The following CACNA1A variants were observed in gnomAD, a reference collection of about 807,000 sequenced individuals.
The protein encoded by CACNA1A is voltage-dependent P/Q-type calcium channel subunit alpha-1A.
Under a neutral mutation model 262.4 loss-of-function variants are expected in CACNA1A, and 57 were observed. The observed-to-expected ratio is 0.22, with a 90% CI of 0.18 to 0.27. CACNA1A has a LOEUF of 0.27. CACNA1A is among the 10% of genes least tolerant of loss of function. The pLI, the probability that CACNA1A is intolerant of heterozygous loss-of-function variation, is 1.00. For synonymous variants in CACNA1A, 1,431 were observed against 1,419.3 expected, an observed-to-expected ratio of 1.01 and a Z score of -0.18; for missense variants, 2,526 against 3,562.8, an observed-to-expected ratio of 0.71 and a Z score of 7.41.
intron 1 of CACNA1A, among the ~76,000 whole-genome samples, chr19:13,492,871 C>T (rs1296762092): frequency 6.6e-6 from 1 of 152,160 alleles, no homozygotes; most frequent in African/African-American, 2.4e-5. Flanking sequence ...CCTTCCCATT[C>T]CCCTCCATCT....
intron 35 of CACNA1A, among the ~76,000 whole-genome samples, chr19:13,230,926 C>T (rs796421978): frequency 6.6e-6 from 1 of 152,058 alleles, no homozygotes; most frequent in African/African-American, 2.4e-5. Flanking sequence ...CCACTGTGAC[C>T]CCAAATCCTC....
chr19:13,245,466 C>T, intron 30 of CACNA1A: 1 of 579,456 alleles, frequency 1.7e-6, no homozygotes, highest in Non-Finnish European at 3.1e-6. Context: ...TGGGGGCCTT[C>T]CCATGATTGG....
chr19:13,248,715 C>T (rs930086835), intron 30 of CACNA1A, among the ~76,000 whole-genome samples: 5 of 151,824 alleles, frequency 3.3e-5, no homozygotes, highest in African/African-American at 1.2e-4. Context: ...TGATGGTGGG[C>T]GCCTGTAATC....
chr19:13,361,274 G>A (rs1214979418), intron 5 of CACNA1A, among the ~76,000 whole-genome samples: 2 of 152,138 alleles, frequency 1.3e-5, no homozygotes, highest in Non-Finnish European at 1.5e-5. Context: ...CGTGCCAACA[G>A]ACACCCCTTT....
At chr19:13,370,046 T>G (rs1048120480) in intron 4 of CACNA1A, among the ~76,000 whole-genome samples, 3 of 151,976 alleles carry the variant, frequency 2.0e-5, no homozygotes, top group African/African-American at 7.2e-5. Context: ...TAAAGGACTT[T>G]AAAAAAATGG....
intron 6 of CACNA1A, among the ~76,000 whole-genome samples, chr19:13,351,533 T>C (rs1029275405): frequency 6.6e-6 from 1 of 151,478 alleles, no homozygotes; most frequent in East Asian, 2.0e-4. Context: ...TTTTGAGATG[T>C]AGTTTTGCTC....
intron 3 of CACNA1A, among the ~76,000 whole-genome samples, chr19:13,386,642 A>G (rs1241639716): frequency 6.6e-6 from 1 of 151,806 alleles, no homozygotes; most frequent in Non-Finnish European, 1.5e-5. Flanking sequence ...AAATACAAAA[A>G]ATTAGCCGGA....
intron 6 of CACNA1A, among the ~76,000 whole-genome samples, chr19:13,337,984 C>A (rs924968820): frequency 1.3e-5 from 2 of 152,222 alleles, no homozygotes; most frequent in African/African-American, 2.4e-5. Context: ...CTTTGGGAGG[C>A]CGAGGCGGGC....
intron 30 of CACNA1A, among the ~76,000 whole-genome samples, chr19:13,249,060 C>G (rs1217103722): frequency 6.6e-6 from 1 of 152,136 alleles, no homozygotes. Flanking sequence ...CCTTGAACTC[C>G]TGAGCTCAAG....
At chr19:13,459,042 T>C (rs1185150075) in intron 1 of CACNA1A, among the ~76,000 whole-genome samples, 2 of 152,140 alleles carry the variant, frequency 1.3e-5, no homozygotes, top group African/African-American at 4.8e-5. Context: ...TAGATGCCAG[T>C]AGCAGCCCCT....
Position 13,419,609 on chromosome 19 carries a change from C to T in CACNA1A, c.539+33267G>A, listed in dbSNP as rs574426711. On this transcript the variant is annotated intron_variant, in intron 3 of 46. Transcript: ENST00000360228. ...GGAGGATCGCTTGAACCCAGGTGGT[C>T]GAGGCTGCAGTGAGCTGTTATCAGG... Among the ~76,000 whole-genome samples, 8 of 152,120 alleles carry T rather than the reference C, an allele frequency of 5.3e-5. No individual in the cohort carries two copies. The South Asian group carries it at 1.7e-3, about 32-fold the overall frequency.
chr19:13,495,794 A>T (rs1480133880), intron 1 of CACNA1A, among the ~76,000 whole-genome samples: 2 of 151,666 alleles, frequency 1.3e-5, no homozygotes, highest in African/African-American at 2.4e-5. Context: ...CCACCCATCC[A>T]GTCATCCATA....
At chr19:13,223,935 G>A (rs896100437) in intron 38 of CACNA1A, among the ~76,000 whole-genome samples, 4 of 152,122 alleles carry the variant, frequency 2.6e-5, no homozygotes, top group Non-Finnish European at 5.9e-5. Flanking sequence ...GGAGACCAAG[G>A]TGGGAGGACT....
At position 13,300,500 on chromosome 19, in the gene CACNA1A, T is replaced by C. The variant is rs1306946932; in HGVS notation, c.2279+50A>G. ...CTTCCCAAATCTGTGCCTGGGATAGTGTGGACGTTCAGGAGCCAGGGTAGC... is the reference window on the plus strand; with the variant it reads ...CTTCCCAAATCTGTGCCTGGGATAGCGTGGACGTTCAGGAGCCAGGGTAGC... On this transcript the variant is annotated intron_variant, in intron 18 of 46. Coordinates refer to ENST00000360228, the MANE Select transcript of CACNA1A (RefSeq NM_001127222.2). The C allele has an allele frequency of 2.3e-6, 3 of 1,283,396 alleles. No homozygotes were observed. In the Admixed American group the frequency reaches 5.0e-5, roughly 22 times the overall value. The allele number at this position is 1,283,396 out of a possible 1,614,324, so 79.5% of individuals were successfully genotyped here. A position where few individuals can be genotyped will look rare whatever the true frequency, so the allele number is the denominator to read the frequency against.
chr19:13,482,848 T>G (rs868365933), intron 1 of CACNA1A, among the ~76,000 whole-genome samples: 3 of 133,924 alleles, frequency 2.2e-5, no homozygotes, highest in Non-Finnish European at 3.2e-5. Flanking sequence ...TTCTCTCAAC[T>G]TGTGTGTGTG....
chr19:13,352,917 C>T lies in CACNA1A; in HGVS notation c.978+6689G>A, dbSNP rs558425012. Among the ~76,000 whole-genome samples the T allele has an allele frequency of 2.3e-3, 353 of 152,038 alleles. 4 individuals are homozygous for T. The highest frequency in any genetic ancestry group is 8.2e-3 in the African/African-American group (341 of 41,452). On this transcript the variant is annotated intron_variant, in intron 6 of 46. Coordinates refer to ENST00000360228, the MANE Select transcript of CACNA1A (RefSeq NM_001127222.2). ...CCTCCCAAGTAGCTGGGATTACAGG[C>T]GCCCGCCACCATGCCTGGCTAATTT...
chr19:13,233,229 A>G (rs2055735780), intron 34 of CACNA1A, among the ~76,000 whole-genome samples: 1 of 151,802 alleles, frequency 6.6e-6, no homozygotes. Flanking sequence ...GCCCTTCCCC[A>G]TATACCCACT....
At position 13,256,909 on chromosome 19, in the gene CACNA1A, A is replaced by G. The variant is rs73922372; in HGVS notation, c.4590+441T>C. 3.9e-3 allele frequency: 611 copies of G among 157,834 alleles called. 4 individuals are homozygous for G. The highest frequency in any genetic ancestry group is 0.014 in the African/African-American group (582 of 41,530). 9.8% of individuals were successfully genotyped at this position (157,834 alleles called of 1,614,324 possible). ...GGCTGATGAAATGTGAGCAGAAGTG[A>G]CATGTGTAATTTTTGAGCACAAGCC... On this transcript the variant is annotated intron_variant, in intron 28 of 46. Coordinates refer to ENST00000360228, the MANE Select transcript of CACNA1A (RefSeq NM_001127222.2).
intron 30 of CACNA1A, among the ~76,000 whole-genome samples, chr19:13,249,273 G>C (rs1159710085): frequency 6.6e-6 from 1 of 152,020 alleles, no homozygotes; most frequent in Non-Finnish European, 1.5e-5. Context: ...CTGGCCTCAA[G>C]TGCTTCTAAT....
Sources: gnomAD v4.1 joint callset for allele counts (sites outside exome capture counted in the v4.1 genomes callset) on GRCh38, gnomAD v4.1.1 for gene constraint, MANE v1.5 for transcripts, NCBI Gene and HGNC (gene_info 2026-07-23, HGNC 2026-07-21) for gene names.